PARD3B: variants seen among roughly 807,000 people sequenced by gnomAD.
PARD3B encodes the protein par-3 family cell polarity regulator beta, also known as partitioning defective 3 homolog B.
Under a neutral mutation model 130.2 loss-of-function variants are expected in PARD3B, and 103 were observed. The ratio of observed to expected loss-of-function variants is 0.79; its 90% CI spans 0.67 to 0.93. PARD3B has a LOEUF of 0.93. Ranked by LOEUF, PARD3B falls within the 40% of genes least tolerant of loss-of-function variation. PARD3B has a pLI of 0.00. For synonymous variants in PARD3B, 583 were observed against 553.2 expected (o/e 1.05, Z -0.76); for missense variants, 1,609 against 1,499.2 (o/e 1.07, Z -1.21).
chr2:204,704,211 T>C (rs554785536), intron 2 of PARD3B, among the ~76,000 whole-genome samples: 4 of 152,188 alleles, frequency 2.6e-5, no homozygotes, highest in Non-Finnish European at 5.9e-5. Context: ...ATCATAACAG[T>C]ATTTTTTATT....
chr2:205,473,999 C>T lies in PARD3B; in HGVS notation c.3045-25897C>T, dbSNP rs2048940738. On this transcript the variant is annotated intron_variant, in intron 20 of 22. Coordinates refer to ENST00000406610, the MANE Select transcript of PARD3B (RefSeq NM_001302769.2). This position sits in a 1 kb window ranked among gnomAD's most constrained non-coding sequence, Gnocchi z 4.9. ...ATGGGTCATAAAGCACTGTCATATA[C>T]ATGTTCTTATTTCATCTTCACCACA... Among the ~76,000 whole-genome samples, 1 of 151,482 alleles carries T rather than the reference C, an allele frequency of 6.6e-6. No homozygotes were observed. Among genetic ancestry groups the T allele is most frequent in the South Asian group, 2.1e-4 (1 of 4,818 alleles).
chr2:204,579,782 G>C (rs1473612894), intron 1 of PARD3B, among the ~76,000 whole-genome samples: 5 of 152,210 alleles, frequency 3.3e-5, no homozygotes, highest in Non-Finnish European at 5.9e-5. Flanking sequence ...GGGGGATGGG[G>C]AAGTAGTTTT....
chr2:205,484,818 G>A (rs1242511209), intron 20 of PARD3B, among the ~76,000 whole-genome samples: 1 of 152,148 alleles, frequency 6.6e-6, no homozygotes, highest in Non-Finnish European at 1.5e-5. Context: ...ATGGGTAAAA[G>A]GCATAATTGA....
chr2:205,211,068 A>C (rs2037606289), intron 15 of PARD3B, among the ~76,000 whole-genome samples: 2 of 152,120 alleles, frequency 1.3e-5, no homozygotes, highest in Admixed American at 1.3e-4. Context: ...AGGCAGAGGC[A>C]GAATTCAGAT....
chr2:204,599,823 G>T (rs75832304), intron 1 of PARD3B, among the ~76,000 whole-genome samples: 11,362 of 151,592 alleles, frequency 0.075, 1,285 homozygotes, highest in African/African-American at 0.24. Flanking sequence ...AAGTGTTCCT[G>T]TTTCTCTGCA....
rs1345984995 is a variant in PARD3B, at chr2:205,276,992, G to T, written c.2186-23538G>T. ...GGCACCTAGGACAACCTCCATACCT[G>T]CTAGTTGTTATGTTTGAGTGATCTG... On this transcript the variant is annotated intron_variant, in intron 16 of 22. Transcript: ENST00000406610. This position sits in a 1 kb window ranked among gnomAD's most constrained non-coding sequence, Gnocchi z 5.0. Among the ~76,000 whole-genome samples, 1 of 152,180 alleles carries T rather than the reference G, an allele frequency of 6.6e-6. No homozygotes were observed. The highest frequency in any genetic ancestry group is 1.5e-5 in the Non-Finnish European group (1 of 68,024).
At chr2:205,100,523 G>T (rs776788829) in intron 4 of PARD3B, among the ~76,000 whole-genome samples, 1 of 151,628 alleles carries the variant, frequency 6.6e-6, no homozygotes, top group Non-Finnish European at 1.5e-5. Flanking sequence ...ACCCAGCATA[G>T]CCAAAGCAAT....
intron 2 of PARD3B, among the ~76,000 whole-genome samples, chr2:204,840,533 C>CTT (rs200558739): frequency 0.046 from 6,724 of 146,676 alleles, 196 homozygotes; most frequent in Middle Eastern, 0.1. Flanking sequence ...TGAATTTGTC[C>CTT]TTTTTTTTTT....
chr2:205,047,960 A>T (rs1307125564), intron 4 of PARD3B: 1 of 264,634 alleles, frequency 3.8e-6, no homozygotes, highest in East Asian at 6.9e-5. Flanking sequence ...AGGTAAGCAC[A>T]TGTTTTTATC....
At chr2:205,593,578 A>G (rs1403445657) in intron 22 of PARD3B, among the ~76,000 whole-genome samples, 2 of 152,208 alleles carry the variant, frequency 1.3e-5, no homozygotes, top group African/African-American at 4.8e-5. Flanking sequence ...GCTAGTTCAC[A>G]CCTCATCAAA....
chr2:204,646,182 A>G (rs568976006), intron 1 of PARD3B, among the ~76,000 whole-genome samples: 1 of 152,272 alleles, frequency 6.6e-6, no homozygotes, highest in Non-Finnish European at 1.5e-5. Flanking sequence ...CTGCACTTGT[A>G]TTACCACTTC....
chr2:205,411,747 C>T lies in PARD3B; in HGVS notation c.2741+10624C>T, dbSNP rs536041887. Reference sequence around the variant, plus strand: ...GGGAGTCATGCCAGATACTTCCATTCAAGAAGCTTCTCCTCATTTTTTATT... The same window carrying T: ...GGGAGTCATGCCAGATACTTCCATTTAAGAAGCTTCTCCTCATTTTTTATT... On this transcript the variant is annotated intron_variant, in intron 19 of 22. Coordinates refer to ENST00000406610, the MANE Select transcript of PARD3B (RefSeq NM_001302769.2). Among the ~76,000 whole-genome samples, 10 of 152,184 alleles carry T rather than the reference C, an allele frequency of 6.6e-5. No individual in the cohort carries two copies. In the East Asian group the frequency reaches 1.9e-3, roughly 29 times the overall value.
chr2:205,104,420 C>A lies in PARD3B; in HGVS notation c.505-6C>A. 1 of 1,575,866 alleles carries A rather than the reference C, an allele frequency of 6.3e-7. No homozygotes were observed. Among genetic ancestry groups the A allele is most frequent in the Non-Finnish European group, 8.7e-7 (1 of 1,145,754 alleles). ...ATCACATGCTTATGACTTTGTTTCA[C>A]TATAGGATTCCACGCAGAACTTGGA... is the stretch of plus-strand genomic sequence containing the variant. On this transcript the variant is annotated splice_polypyrimidine_tract_variant and splice_region_variant and intron_variant, in intron 4 of 22. Coordinates refer to ENST00000406610, the MANE Select transcript of PARD3B (RefSeq NM_001302769.2).
At chr2:204,878,376 A>G (rs114761018) in intron 2 of PARD3B, among the ~76,000 whole-genome samples, 8,821 of 152,274 alleles carry the variant, frequency 0.058, 291 homozygotes, top group Middle Eastern at 0.099. Flanking sequence ...ACTGTTCAAT[A>G]ACACAGAAAA....
At chr2:205,559,353 C>G (rs1235459093) in intron 22 of PARD3B, among the ~76,000 whole-genome samples, 2 of 151,920 alleles carry the variant, frequency 1.3e-5, no homozygotes, top group African/African-American at 4.8e-5. Context: ...GCCAAGTTGC[C>G]CAGGCTGGTC....
At chr2:205,459,024 G>A (rs771701813) in intron 20 of PARD3B, among the ~76,000 whole-genome samples, 53 of 152,140 alleles carry the variant, frequency 3.5e-4, no homozygotes, top group Admixed American at 1.8e-3. Flanking sequence ...TTCTTCCTTA[G>A]CAGGTTCTCA....
At chr2:204,581,612 T>G (rs2032562590) in intron 1 of PARD3B, among the ~76,000 whole-genome samples, 1 of 152,142 alleles carries the variant, frequency 6.6e-6, no homozygotes, top group Non-Finnish European at 1.5e-5. Flanking sequence ...TCTTGAGCAT[T>G]TACTGTTTGC....
intron 4 of PARD3B, among the ~76,000 whole-genome samples, chr2:205,071,953 G>T (rs576747418): frequency 1.3e-5 from 2 of 151,848 alleles, no homozygotes; most frequent in South Asian, 4.2e-4. Context: ...AGCAATTTTT[G>T]TGCTTGTGTG....
At chr2:204,930,159 AT>A (rs1409276898) in intron 2 of PARD3B, among the ~76,000 whole-genome samples, 2 of 150,710 alleles carry the variant, frequency 1.3e-5, no homozygotes, top group Admixed American at 1.3e-4. Flanking sequence ...AACATGTTTA[AT>A]TTTTTTATTC....
Sources: gnomAD v4.1 joint callset for allele counts (sites outside exome capture counted in the v4.1 genomes callset) on GRCh38, gnomAD v4.1.1 for gene constraint, Gnocchi (gnomAD v3.1) non-coding constraint, MANE v1.5 for transcripts, NCBI Gene and HGNC (gene_info 2026-07-23, HGNC 2026-07-21) for gene names.